The following COL12A1 variants were observed in gnomAD, a reference collection of about 807,000 sequenced individuals.
COL12A1 encodes collagen alpha-1(XII) chain.
A neutral mutation model predicts 349.7 loss-of-function variants in COL12A1; 114 were observed. The ratio of observed to expected loss-of-function variants is 0.33; its 90% CI spans 0.28 to 0.38. COL12A1 has a LOEUF of 0.38. COL12A1 is among the 10% of genes least tolerant of loss of function. The pLI is 1.00. For synonymous variants in COL12A1, 1,369 were observed against 1,329.0 expected (o/e 1.03, Z -0.66); for missense variants, 3,284 against 3,756.9 (o/e 0.87, Z 3.29).
chr6:75,153,368 AG>A (rs1767587861), intron 17 of COL12A1, among the ~76,000 whole-genome samples: 1 of 152,200 alleles, frequency 6.6e-6, no homozygotes, highest in Non-Finnish European at 1.5e-5. Context: ...AATATAAGTC[AG>A]TTAATATCAT....
chr6:75,189,869 A>G, intron 5 of COL12A1, 54 bp from the exon 6 acceptor site: 1 of 1,576,742 alleles, frequency 6.3e-7, no homozygotes, highest in African/African-American at 1.4e-5. Context: ...CAACTCATCA[A>G]TACATGTTAA....
chr6:75,107,582 T>C (rs767747855), intron 52 of COL12A1, among the ~76,000 whole-genome samples: 5 of 152,162 alleles, frequency 3.3e-5, no homozygotes, highest in Non-Finnish European at 7.4e-5. Context: ...ACATCAAGCT[T>C]TAAGAGCCCA....
At chr6:75,094,981 A>C (rs988556453) in intron 60 of COL12A1, 127 bp downstream of exon 60, 1 of 804,490 alleles carries the variant, frequency 1.2e-6, no homozygotes, top group Non-Finnish European at 1.9e-6. Flanking sequence ...TGAGTTTAGC[A>C]TGGTTTCAAC....
At chr6:75,174,801 C>A (rs1488166961) in intron 13 of COL12A1, among the ~76,000 whole-genome samples, 1 of 152,164 alleles carries the variant, frequency 6.6e-6, no homozygotes, top group African/African-American at 2.4e-5. Flanking sequence ...TCTCTTTGGT[C>A]TTATTATGCA....
At position 75,142,071 on chromosome 6, in the gene COL12A1, C is replaced by T. The variant is rs780206104; in HGVS notation, c.4918G>A (p.Glu1640Lys). Residue 1640 changes from glutamate (E) to lysine (K), a missense_variant, in exon 27 of 66, where the codon GAG becomes AAG. Glu to Lys is a moderately conservative substitution (Grantham distance 56). Around this residue, in one of 2 missense-constraint regions of COL12A1, gnomAD observed 2,601 missense variants for 2,824.8 expected, o/e 0.92. Transcript: ENST00000322507. ...GCAGTCACTGGAGGAGACTCCCCCT[C>T]GTCATGTACTGCAGAAACGCTGACT... ...YTVSVSAVHDEGESPPVTAQE... is the reference protein window; with the variant it reads ...YTVSVSAVHDKGESPPVTAQE... The T allele has an allele frequency of 2.3e-5, 37 of 1,613,960 alleles. No homozygotes were observed. The highest frequency in any genetic ancestry group is 6.7e-5 in the East Asian group (3 of 44,886).
At chr6:75,123,240 A>G in intron 43 of COL12A1, 90 bp downstream of exon 43, 1 of 1,079,096 alleles carries the variant, frequency 9.3e-7, no homozygotes, top group Non-Finnish European at 1.4e-6. Flanking sequence ...GAAATGTTCT[A>G]TATTAATTGT....
Position 75,189,778 on chromosome 6 carries a change from G to A in COL12A1, c.432C>T (p.Leu144=), listed in dbSNP as rs528524927. ...TTCCCACACTCCAAGAGCCATCCAC[G>A]AGGAAAACCAAATCAGTCCAGGCAC... is the stretch of plus-strand genomic sequence containing the variant. ...SVSAWTDLVF[L]VDGSWSVGRN... The change falls in exon 6 of 66, where the codon CTC becomes CTT. Residue 144 remains leucine, a synonymous_variant. Transcript: ENST00000322507. 33 of 1,613,096 alleles carry A rather than the reference G, an allele frequency of 2.0e-5. No individual in the cohort carries two copies. In the Admixed American group the frequency reaches 4.2e-4, roughly 20 times the overall value.
intron 22 of COL12A1, among the ~76,000 whole-genome samples, 199 bp from the exon 23 acceptor site, chr6:75,148,003 T>C (rs1373495043): frequency 1.3e-5 from 2 of 152,208 alleles, no homozygotes; most frequent in Admixed American, 6.5e-5. Context: ...GTTATTTATT[T>C]GTAAAATGAA....
intron 64 of COL12A1, 61 bp downstream of exon 64, chr6:75,089,045 G>A (rs539525687): frequency 6.3e-5 from 74 of 1,182,628 alleles, no homozygotes; most frequent in Admixed American, 6.0e-4. Flanking sequence ...GAATCTCTTC[G>A]GGATGGTGTG....
At chr6:75,095,030 A>G (rs1767939094) in intron 60 of COL12A1, 78 bp downstream of exon 60, 4 of 1,309,830 alleles carry the variant, frequency 3.1e-6, no homozygotes, top group East Asian at 4.7e-5. Context: ...TAACCTAAAT[A>G]TAACAAAGCT....
chr6:75,107,523 G>A (rs1316085199), intron 52 of COL12A1, among the ~76,000 whole-genome samples: 1 of 151,850 alleles, frequency 6.6e-6, no homozygotes, highest in Non-Finnish European at 1.5e-5. Context: ...CACCCGCCTC[G>A]GCCTCCCAAA....
chr6:75,185,950 A>G (rs1176356589), intron 8 of COL12A1, among the ~76,000 whole-genome samples: 1 of 152,162 alleles, frequency 6.6e-6, no homozygotes, highest in East Asian at 1.9e-4. Context: ...TCCTTAGACC[A>G]CAGACAAAAA....
chr6:75,190,300 G>A (rs1203194791), intron 5 of COL12A1, among the ~76,000 whole-genome samples: 1 of 151,928 alleles, frequency 6.6e-6, no homozygotes, highest in Non-Finnish European at 1.5e-5. Flanking sequence ...GTGCAGTTGA[G>A]TTGAAGACCT....
intron 2 of COL12A1, among the ~76,000 whole-genome samples, chr6:75,201,781 A>T (rs988875312): frequency 9.2e-5 from 14 of 152,232 alleles, no homozygotes; most frequent in Non-Finnish European, 2.1e-4. Context: ...ACACTGAGAA[A>T]TTAAGACATC....
At chr6:75,202,860 G>A (rs1373277398) in intron 1 of COL12A1, 33 bp from the exon 2 acceptor site, 7 of 1,447,276 alleles carry the variant, frequency 4.8e-6, no homozygotes, top group Non-Finnish European at 6.6e-6. Flanking sequence ...CATCAGAACT[G>A]GGTCTGGGCA....
chr6:75,085,556 TA>T lies in COL12A1; in HGVS notation c.*990del, dbSNP rs67840454. ...ATCAAATAATGAAATGGCACTTTCT[TA>T]AAAAAAAAAACCTTCAAAAATCCAG... On this transcript the variant is annotated 3_prime_UTR_variant, in exon 66 of 66. Coordinates refer to ENST00000322507, the MANE Select transcript of COL12A1 (RefSeq NM_004370.6). 0.052 allele frequency: 13,595 copies of T among 259,512 alleles called. 1,119 individuals are homozygous for T. Among genetic ancestry groups the T allele is most frequent in the African/African-American group, 0.23 (10,023 of 43,942 alleles). 16.1% of individuals were successfully genotyped at this position (259,512 alleles called of 1,614,324 possible).
At position 75,104,587 on chromosome 6, in the gene COL12A1, G is replaced by A. The variant is rs116624955; in HGVS notation, c.8265+619C>T. 4.7e-3 allele frequency among the ~76,000 whole-genome samples: 715 copies of A among 152,254 alleles called. 5 individuals carry two copies. Among genetic ancestry groups the A allele is most frequent in the Middle Eastern group, 0.024 (7 of 294 alleles). ...ACTGGCCCAGATCAGATACTGGATC[G>A]ACTAACTCAAGGGGTTTCACATTGA... On this transcript the variant is annotated intron_variant, in intron 54 of 65. Transcript: ENST00000322507.
intron 53 of COL12A1, 115 bp downstream of exon 53, chr6:75,106,303 CT>C: frequency 1.1e-6 from 1 of 878,406 alleles, no homozygotes. Flanking sequence ...CATTGCGTGT[CT>C]TTTAGCTCCA....
intron 59 of COL12A1, among the ~76,000 whole-genome samples, chr6:75,096,126 T>C (rs1486612768): frequency 6.6e-6 from 1 of 152,192 alleles, no homozygotes; most frequent in Non-Finnish European, 1.5e-5. Flanking sequence ...ATTTTGGCCC[T>C]ATATTTAATA....
Sources: gnomAD v4.1 joint callset for allele counts (sites outside exome capture counted in the v4.1 genomes callset) on GRCh38, gnomAD v4.1.1 for gene constraint, gnomAD v4.1.1 regional missense constraint, MANE v1.5 for transcripts, NCBI Gene and HGNC (gene_info 2026-07-23, HGNC 2026-07-21) for gene names.